The following TMC1 variants were observed in gnomAD, a reference collection of about 807,000 sequenced individuals.
TMC1 encodes transmembrane channel-like protein 1.
Under a neutral mutation model 105.8 loss-of-function variants are expected in TMC1, and 84 were observed. That is an observed-to-expected ratio of 0.79 (90% confidence interval 0.67 to 0.95). The LOEUF is 0.95. Ranked by LOEUF, TMC1 falls within the 40% of genes least tolerant of loss-of-function variation. TMC1 has a pLI of 0.00. For synonymous variants in TMC1, 315 were observed against 311.5 expected (o/e 1.01, Z -0.12); for missense variants, 817 against 914.1 (o/e 0.89, Z 1.37).
chr9:72,769,156 T>C (rs931733943), intron 12 of TMC1, among the ~76,000 whole-genome samples: 14 of 152,252 alleles, frequency 9.2e-5, no homozygotes, highest in Non-Finnish European at 1.5e-4. Flanking sequence ...TCATTAGTCA[T>C]GTGAACTTGG....
At chr9:72,786,003 G>A (rs1349070291) in intron 13 of TMC1, among the ~76,000 whole-genome samples, 1 of 152,068 alleles carries the variant, frequency 6.6e-6, no homozygotes, top group Non-Finnish European at 1.5e-5. Flanking sequence ...TTTAGCAGAG[G>A]CTACATTATA....
At chr9:72,641,932 C>T (rs147056233) in intron 4 of TMC1, among the ~76,000 whole-genome samples, 10,998 of 151,422 alleles carry the variant, frequency 0.073, 537 homozygotes, top group Non-Finnish European at 0.11. Context: ...ATTCTCCTCC[C>T]GCAGCCTCCT....
At chr9:72,653,192 G>A (rs1211001646) in intron 5 of TMC1, among the ~76,000 whole-genome samples, 1 of 152,168 alleles carries the variant, frequency 6.6e-6, no homozygotes, top group Non-Finnish European at 1.5e-5. Flanking sequence ...TATTGTGACA[G>A]AGTCCCTTCT....
chr9:72,670,343 C>G (rs548669820), intron 5 of TMC1, among the ~76,000 whole-genome samples: 3 of 152,188 alleles, frequency 2.0e-5, no homozygotes, highest in East Asian at 3.9e-4. Flanking sequence ...AAAATTAGTC[C>G]TAGACCAAAT....
At chr9:72,580,051 C>T (rs1052734874) in intron 2 of TMC1, among the ~76,000 whole-genome samples, 16 of 152,198 alleles carry the variant, frequency 1.1e-4, no homozygotes. Flanking sequence ...TCAGCATCTA[C>T]AGCTTTGCTA....
chr9:72,578,696 T>A (rs1824428445), intron 2 of TMC1, among the ~76,000 whole-genome samples: 1 of 152,206 alleles, frequency 6.6e-6, no homozygotes, highest in African/African-American at 2.4e-5. Flanking sequence ...AGGAGCTTTT[T>A]AAAAGTATTA....
intron 3 of TMC1, among the ~76,000 whole-genome samples, chr9:72,626,686 T>C (rs991835578): frequency 6.6e-6 from 1 of 152,068 alleles, no homozygotes; most frequent in African/African-American, 2.4e-5. Flanking sequence ...TAAGACAAGA[T>C]TGATTAGCAC....
At chr9:72,688,867 G>C in intron 6 of TMC1, 111 bp downstream of exon 6, 1 of 931,404 alleles carries the variant, frequency 1.1e-6, no homozygotes, top group Non-Finnish European at 1.7e-6. Flanking sequence ...AGTGTGTGTG[G>C]ATAACTTTTC....
chr9:72,618,120 C>T (rs188813296), intron 3 of TMC1, among the ~76,000 whole-genome samples: 30 of 149,040 alleles, frequency 2.0e-4, no homozygotes, highest in Non-Finnish European at 3.5e-4. Context: ...CCTCTGCCTC[C>T]GGGGTTCAAG....
intron 4 of TMC1, among the ~76,000 whole-genome samples, chr9:72,634,160 T>C (rs1825494858): frequency 6.6e-6 from 1 of 152,148 alleles, no homozygotes; most frequent in Non-Finnish European, 1.5e-5. Context: ...TGTCTTCGCA[T>C]GCTGAGTCAG....
chr9:72,770,251 G>A (rs183104796), intron 12 of TMC1, among the ~76,000 whole-genome samples: 3 of 150,582 alleles, frequency 2.0e-5, no homozygotes, highest in Admixed American at 2.0e-4. Context: ...AATATAACCA[G>A]TAGAAGATAT....
chr9:72,801,578 A>G (rs899414768), intron 17 of TMC1, among the ~76,000 whole-genome samples: 8 of 152,184 alleles, frequency 5.3e-5, no homozygotes, highest in African/African-American at 1.9e-4. Flanking sequence ...GCCTTTTATG[A>G]TGTTCCTTGC....
chr9:72,574,759 A>G (rs925041209), intron 1 of TMC1, among the ~76,000 whole-genome samples: 1 of 152,222 alleles, frequency 6.6e-6, no homozygotes, highest in Non-Finnish European at 1.5e-5. Context: ...GTGAATTTCT[A>G]GAAGTCAGCT....
intron 10 of TMC1, among the ~76,000 whole-genome samples, chr9:72,743,894 A>G (rs1564526600): frequency 1.3e-5 from 2 of 152,228 alleles, no homozygotes. Context: ...TTTGAGCACA[A>G]TCTTTCCATA....
intron 8 of TMC1, among the ~76,000 whole-genome samples, chr9:72,703,568 A>G (rs923155959): frequency 6.6e-6 from 1 of 152,098 alleles, no homozygotes; most frequent in Non-Finnish European, 1.5e-5. Flanking sequence ...TCCTTTTTCA[A>G]TTTGCACCAT....
chr9:72,582,618 G>A (rs1824493549), intron 2 of TMC1, among the ~76,000 whole-genome samples: 2 of 152,216 alleles, frequency 1.3e-5, no homozygotes, highest in South Asian at 4.1e-4. Context: ...ATGCTAACTT[G>A]CTGCATAGAA....
intron 23 of TMC1, among the ~76,000 whole-genome samples, chr9:72,831,627 C>T (rs1186123236): frequency 6.6e-6 from 1 of 152,086 alleles, no homozygotes; most frequent in East Asian, 1.9e-4. Context: ...GTGATGTTCC[C>T]CTTCCTGTGT....
At chr9:72,809,518 A>G (rs1341412350) in intron 18 of TMC1, among the ~76,000 whole-genome samples, 2 of 152,174 alleles carry the variant, frequency 1.3e-5, no homozygotes, top group South Asian at 4.1e-4. Context: ...GTGAGGGCCT[A>G]CTAGGTGCAA....
intron 1 of TMC1, among the ~76,000 whole-genome samples, chr9:72,530,539 G>A (rs1255127352): frequency 6.6e-6 from 1 of 151,130 alleles, no homozygotes; most frequent in African/African-American, 2.4e-5. Flanking sequence ...GCAGTGGACC[G>A]AGATTGTGCC....
Sources: allele counts gnomAD v4.1 joint callset (sites outside exome capture counted in the v4.1 genomes callset), GRCh38; gene constraint gnomAD v4.1.1; transcripts MANE v1.5; gene names NCBI Gene and HGNC (gene_info 2026-07-23, HGNC 2026-07-21).